The following SAMD4B variants were observed in gnomAD, a reference collection of about 807,000 sequenced individuals.
SAMD4B encodes protein Smaug homolog 2.
A neutral mutation model predicts 74.5 loss-of-function variants in SAMD4B; 5 were observed. The observed-to-expected ratio is 0.07, with a 90% CI of 0.04 to 0.14. SAMD4B has a LOEUF of 0.14. Among genes scored for constraint, SAMD4B ranks in the 10% least tolerant of loss-of-function variants. The pLI, the probability that SAMD4B is intolerant of heterozygous loss-of-function variation, is 1.00. For synonymous variants in SAMD4B, 373 were observed against 374.9 expected, an observed-to-expected ratio of 1.00 and a Z score of 0.06; for missense variants, 608 against 921.8, an observed-to-expected ratio of 0.66 and a Z score of 4.41.
chr19:39,380,568 G>A lies in SAMD4B; in HGVS notation c.1650-19G>A. ...CCCCATCTATGTAAATTAACACCCT[G>A]CCTTCTGCTCTCTCATAGCTGGGCA... On this transcript the variant is annotated intron_variant, in intron 10 of 13. Transcript: ENST00000610417. The A allele has an allele frequency of 6.2e-7, 1 of 1,613,866 alleles. No homozygotes were observed. The highest frequency in any genetic ancestry group is 8.5e-7 in the Non-Finnish European group (1 of 1,179,836).
At chr19:39,357,576 C>T (rs73546081) in intron 3 of SAMD4B, among the ~76,000 whole-genome samples, 9,099 of 152,236 alleles carry the variant, frequency 0.06, 442 homozygotes, top group African/African-American at 0.13. Context: ...ACAGTTCATC[C>T]TGTCAGTTCC....
downstream of SAMD4B, chr19:39,389,629 TC>T: frequency 2.5e-6 from 4 of 1,614,178 alleles, no homozygotes; most frequent in Non-Finnish European, 3.4e-6. This position sits in a 1 kb window ranked among gnomAD's most constrained non-coding sequence, Gnocchi z 5.3. Flanking sequence ...CCTCCCTGTC[TC>T]CCCACACACC....
chr19:39,383,345 T>C lies in SAMD4B; in HGVS notation c.2056+54T>C. ...CTCCCACCTACCCAGCGTCTCTGCC[T>C]CTGAACTGAGCAACTCAGAGTCATC... On this transcript the variant is annotated intron_variant, in intron 13 of 13. Transcript: ENST00000610417. The surrounding 1 kb of genome is among the most constrained non-coding windows in gnomAD (Gnocchi z 4.1). The C allele has an allele frequency of 6.3e-7, 1 of 1,597,360 alleles. No homozygotes were observed. Among genetic ancestry groups the C allele is most frequent in the Non-Finnish European group, 8.6e-7 (1 of 1,164,676 alleles).
chr19:39,369,220 C>A, intron 3 of SAMD4B: 1 of 168,926 alleles, frequency 5.9e-6, no homozygotes, highest in Non-Finnish European at 1.3e-5. Context: ...TGCCTGAGTC[C>A]AGGAGTTCTG....
At chr19:39,364,136 A>C (rs1415072584) in intron 3 of SAMD4B, among the ~76,000 whole-genome samples, 1 of 152,214 alleles carries the variant, frequency 6.6e-6, no homozygotes, top group Non-Finnish European at 1.5e-5. Flanking sequence ...GCAGCAGAAC[A>C]AGGTCCTGCA....
At position 39,378,536 on chromosome 19, in the gene SAMD4B, G is replaced by A. The variant is rs2077742126; in HGVS notation, c.1477G>A (p.Glu493Lys). The stretch of plus-strand genomic sequence containing the variant: ...CCAACTGCTGGTGTCCCGACCAGAC[G>A]AGGAGAACATCACCAGTTACCTCCA... ...CTQLLVSRPDEENITSYLQLI... is the reference protein window; with the variant it reads ...CTQLLVSRPDKENITSYLQLI... The change falls in exon 9 of 14, where the codon GAG becomes AAG. Residue 493 changes from glutamate to lysine, a missense_variant. Glu to Lys is a moderately conservative substitution (Grantham distance 56). Coordinates refer to ENST00000610417, the MANE Select transcript of SAMD4B (RefSeq NM_001384574.2). This position sits in a 1 kb window ranked among gnomAD's most constrained non-coding sequence, Gnocchi z 4.4. 1.2e-6 allele frequency: 2 copies of A among 1,613,988 alleles called. No homozygotes were observed. The highest frequency in any genetic ancestry group is 1.7e-5 in the Admixed American group (1 of 60,002).
At chr19:39,354,200 GC>G (rs751930958) in intron 2 of SAMD4B, 134 bp downstream of exon 2, 6 of 152,190 alleles carry the variant, frequency 3.9e-5, no homozygotes, top group Non-Finnish European at 8.8e-5. Context: ...TTGACTTTCA[GC>G]ATTTCCTCTA....
rs371780781 is a variant in SAMD4B, at chr19:39,377,785, G to A, written c.1405G>A (p.Gly469Arg). ...GCCTGCCCCGGCTCCCGTCGCCGAC[G>A]GAGACATCCCCAGCCAGTTTACACG... ...SEPAPAPVAD[G>R]DIPSQFTRVM... The change falls in exon 8 of 14, where the codon GGA becomes AGA. Residue 469 changes from glycine (G) to arginine (R), a missense_variant. Transcript: ENST00000610417. 2.5e-6 allele frequency: 4 copies of A among 1,611,170 alleles called. No individual in the cohort carries two copies. Among genetic ancestry groups the A allele is most frequent in the Non-Finnish European group, 3.4e-6 (4 of 1,178,210 alleles).
At chr19:39,361,124 C>G (rs2076619804) in intron 3 of SAMD4B, among the ~76,000 whole-genome samples, 1 of 152,072 alleles carries the variant, frequency 6.6e-6, no homozygotes, top group Non-Finnish European at 1.5e-5. Context: ...AAATAATGTG[C>G]CAAAGAAGAC....
chr19:39,386,912 T>C (rs1012313341), downstream of SAMD4B: 18 of 717,276 alleles, frequency 2.5e-5, no homozygotes, highest in African/African-American at 3.0e-4. This position sits in a 1 kb window ranked among gnomAD's most constrained non-coding sequence, Gnocchi z 6.1. Flanking sequence ...CATCAATACT[T>C]AGAGTAAATG....
chr19:39,360,637 C>G lies in SAMD4B; in HGVS notation c.196+3548C>G, dbSNP rs990347455. ...AGAAGCAGGTGCCTCCTGTTTCACT[C>G]CTACCCTCAAGTAGAACCCCACCTG... On this transcript the variant is annotated intron_variant, in intron 3 of 13. Transcript: ENST00000610417. 3.3e-5 allele frequency among the ~76,000 whole-genome samples: 5 copies of G among 152,172 alleles called. No individual in the cohort carries two copies. The East Asian group carries it at 9.6e-4, about 29-fold the overall frequency.
chr19:39,350,407 T>C (rs1437149840), intron 1 of SAMD4B: 1 of 152,250 alleles, frequency 6.6e-6, no homozygotes, highest in African/African-American at 2.4e-5. Flanking sequence ...TTTATGGGCA[T>C]ATGGGCCTTT....
At chr19:39,362,155 A>T (rs1005686273) in intron 3 of SAMD4B, among the ~76,000 whole-genome samples, 1 of 152,156 alleles carries the variant, frequency 6.6e-6, no homozygotes, top group African/African-American at 2.4e-5. Flanking sequence ...CACAGAGCTG[A>T]CCTAGGTGAA....
rs2077949089 is a variant in SAMD4B, at chr19:39,381,037, G to C, written c.1896G>C (p.Gln632His). Residue 632 changes from glutamine to histidine, a missense_variant, in exon 12 of 14, where the codon CAG becomes CAC. Around this residue, in one of 9 missense-constraint regions of SAMD4B, gnomAD observed 167 missense variants for 193.0 expected, o/e 0.87. Coordinates refer to ENST00000610417, the MANE Select transcript of SAMD4B (RefSeq NM_001384574.2). ...NPGGSNSMPS[Q>H]SRSSVQRTHS... ...GAGGCAGCAACAGCATGCCCAGTCA[G>C]AGCCGCAGCTCTGTGCAGCGCACCC... 2 of 1,613,054 alleles carry C rather than the reference G, an allele frequency of 1.2e-6. No individual in the cohort carries two copies. The highest frequency in any genetic ancestry group is 8.5e-7 in the Non-Finnish European group (1 of 1,179,880).
intron 3 of SAMD4B, among the ~76,000 whole-genome samples, chr19:39,361,039 C>G (rs2076615997): frequency 6.6e-6 from 1 of 152,164 alleles, no homozygotes; most frequent in African/African-American, 2.4e-5. Context: ...CTGCCTGACC[C>G]TCTCGGGCCT....
chr19:39,345,474 T>G (rs2145172877), intron 1 of SAMD4B, among the ~76,000 whole-genome samples: 1 of 152,340 alleles, frequency 6.6e-6, no homozygotes, highest in African/African-American at 2.4e-5. Flanking sequence ...GCTGCTTCTT[T>G]GAACACACAT....
rs1489277811 is a variant in SAMD4B, at chr19:39,383,127, C to T, written c.1973-81C>T. On this transcript the variant is annotated intron_variant, in intron 12 of 13. Transcript: ENST00000610417. The surrounding 1 kb of genome is among the most constrained non-coding windows in gnomAD (Gnocchi z 4.1). ...CCATCTCTCTTGCTCCCTTCCCATA[C>T]CAGCATCCTTTGTCATCCCAGCTGT... is the stretch of plus-strand genomic sequence containing the variant. The T allele has an allele frequency of 2.7e-6, 3 of 1,123,144 alleles. No homozygotes were observed. Among genetic ancestry groups the T allele is most frequent in the South Asian group, 1.2e-5 (1 of 81,166 alleles). The allele number at this position is 1,123,144 out of a possible 1,614,324, so 69.6% of individuals were successfully genotyped here.
chr19:39,356,422 A>G (rs746915715), intron 2 of SAMD4B, among the ~76,000 whole-genome samples: 1 of 152,138 alleles, frequency 6.6e-6, no homozygotes, highest in African/African-American at 2.4e-5. Flanking sequence ...GCTTCCTTTG[A>G]CACTATGACA....
At chr19:39,372,446 G>A (rs558955722) in intron 4 of SAMD4B, among the ~76,000 whole-genome samples, 3 of 152,298 alleles carry the variant, frequency 2.0e-5, no homozygotes, top group South Asian at 4.2e-4. Flanking sequence ...TCTGGGGGGC[G>A]TTGAAGGACA....
Sources: gnomAD v4.1 joint callset for allele counts (sites outside exome capture counted in the v4.1 genomes callset) on GRCh38, gnomAD v4.1.1 for gene constraint, gnomAD v4.1.1 regional missense constraint, Gnocchi (gnomAD v3.1) non-coding constraint, MANE v1.5 for transcripts, NCBI Gene and HGNC (gene_info 2026-07-23, HGNC 2026-07-21) for gene names.